NOL11: variants seen among roughly 807,000 people sequenced by gnomAD.
NOL11 encodes the protein nucleolar protein 11.
In NOL11, 42 loss-of-function variants were observed where a neutral mutation model predicts 93.0. That is an observed-to-expected ratio of 0.45 (90% CI 0.35 to 0.58). The LOEUF is 0.58. Ranked by LOEUF, NOL11 falls within the 20% of genes least tolerant of loss-of-function variation. The pLI, the probability that NOL11 is intolerant of heterozygous loss-of-function variation, is 0.00. For synonymous variants in NOL11, 296 were observed against 293.7 expected (o/e 1.01, Z -0.08); for missense variants, 775 against 841.8 (o/e 0.92, Z 0.98).
intron 7 of NOL11, among the ~76,000 whole-genome samples, chr17:67,730,552 G>T (rs186932601): frequency 6.6e-6 from 1 of 152,200 alleles, no homozygotes; most frequent in African/African-American, 2.4e-5. Context: ...GAGCCACTGC[G>T]CCCAGCTGTG....
rs559957739 is a variant in NOL11, at chr17:67,735,079, TA to T, written c.930+643del. The stretch of plus-strand genomic sequence containing the variant: ...GTCTTTTAGATTATGTGTTAAATGT[TA>T]AATGTTACCATGAAATTACATAAAA... On this transcript the variant is annotated intron_variant, in intron 8 of 17. Coordinates refer to ENST00000253247, the MANE Select transcript of NOL11 (RefSeq NM_015462.5). Among the ~76,000 whole-genome samples the T allele has an allele frequency of 6.1e-4, 93 of 152,326 alleles. 1 individual carries two copies. The South Asian group carries it at 0.013, about 22-fold the overall frequency.
intron 5 of NOL11, among the ~76,000 whole-genome samples, chr17:67,723,608 C>T (rs188155733): frequency 1.7e-3 from 258 of 151,596 alleles, no homozygotes; most frequent in Middle Eastern, 6.8e-3. Flanking sequence ...AGGCTGGTCT[C>T]GAACTCCTGA....
rs2055273048 is a variant in NOL11 at position 67,743,459 on chromosome 17, C to G, written c.1936-20C>G. The G allele has an allele frequency of 5.4e-6, 6 of 1,114,450 alleles. No individual in the cohort carries two copies. Among genetic ancestry groups the G allele is most frequent in the Non-Finnish European group, 6.7e-6 (5 of 749,188 alleles). 69.0% of individuals were successfully genotyped at this position (1,114,450 alleles called of 1,614,324 possible). A position where few individuals can be genotyped will look rare whatever the true frequency, so the allele number is the denominator to read the frequency against. On this transcript the variant is annotated intron_variant, in intron 16 of 17. Transcript: ENST00000253247. ...AAGTTAAATTTAAAATCTTAACTTC[C>G]TTTTCCTATTCATCTTCAGATTATG...
At chr17:67,739,045 T>G (rs773123489) in intron 15 of NOL11, 35 bp downstream of exon 15, 1 of 1,439,792 alleles carries the variant, frequency 6.9e-7, no homozygotes, top group Non-Finnish European at 9.7e-7. Context: ...GAATTTTACT[T>G]CTGGTTTAAA....
intron 4 of NOL11, among the ~76,000 whole-genome samples, chr17:67,722,072 A>G (rs1248103968): frequency 6.6e-6 from 1 of 152,220 alleles, no homozygotes; most frequent in Non-Finnish European, 1.5e-5. Context: ...TGGTACTTAC[A>G]ACGTGGCCAA....
chr17:67,737,739 C>A, intron 12 of NOL11, 47 bp downstream of exon 12: 1 of 1,584,692 alleles, frequency 6.3e-7, no homozygotes, highest in Non-Finnish European at 8.6e-7. Context: ...TTCTTCTGAC[C>A]TTGTTTTTTA....
rs375085496 is a variant in NOL11 at position 67,737,467 on chromosome 17, G to A, written c.1219-41G>A. The A allele has an allele frequency of 2.0e-5, 30 of 1,500,982 alleles. No homozygotes were observed. The Admixed American group carries it at 2.0e-4, about 10-fold the overall frequency. The allele number at this position is 1,500,982 out of a possible 1,614,324, so 93.0% of individuals were successfully genotyped here. ...AAACGTTAAGTTCAGAGTGACATTC[G>A]TTAATGTGCCAAACTGAATTCTTTA... On this transcript the variant is annotated intron_variant, in intron 11 of 17. Coordinates refer to ENST00000253247, the MANE Select transcript of NOL11 (RefSeq NM_015462.5).
intron 7 of NOL11, among the ~76,000 whole-genome samples, 158 bp from the exon 8 acceptor site, chr17:67,734,205 A>G (rs1052042752): frequency 3.3e-5 from 5 of 152,012 alleles, no homozygotes; most frequent in African/African-American, 1.2e-4. Flanking sequence ...TCTTACCATG[A>G]GCTCTCATTT....
At position 67,722,595 on chromosome 17, in the gene NOL11, C is replaced by T. The variant is rs759303161; in HGVS notation, c.477C>T (p.Phe159=). The change falls in exon 5 of 18, where the codon TTC becomes TTT. Residue 159 remains phenylalanine, a synonymous_variant. Coordinates refer to ENST00000253247, the MANE Select transcript of NOL11 (RefSeq NM_015462.5). ...TTTTTTGTAGATGGACAAAGTTTTT[C>T]GTAGTATTCAGACATCCTGTTTTAA... ...DEEVIKWTKF[F]VVFRHPVLIF... 7.0e-6 allele frequency: 11 copies of T among 1,571,132 alleles called. No homozygotes were observed. In the Admixed American group the frequency reaches 8.0e-5, roughly 11 times the overall value.
rs1219005881 is a variant in NOL11 at position 67,731,425 on chromosome 17, G to A, written c.854-2938G>A. On this transcript the variant is annotated intron_variant, in intron 7 of 17. Transcript: ENST00000253247. ...ACTACAGGCGCCCGCCGCTGCGCCC[G>A]GCTAATTTTTTGTATTTTTAGTAGA... is the stretch of plus-strand genomic sequence containing the variant. Among the ~76,000 whole-genome samples the A allele has an allele frequency of 6.3e-3, 42 of 6,638 alleles. 18 individuals carry two copies. The highest frequency in any genetic ancestry group is 0.02 in the Admixed American group (10 of 508). 4.4% of individuals were successfully genotyped at this position (6,638 alleles called of 152,430 possible).
At chr17:67,731,891 C>G (rs1237491558) in intron 7 of NOL11, among the ~76,000 whole-genome samples, 1 of 152,184 alleles carries the variant, frequency 6.6e-6, no homozygotes, top group Non-Finnish European at 1.5e-5. Context: ...GTTTGGAAAT[C>G]AGGAAGTATG....
chr17:67,728,224 C>T (rs1451837739), intron 7 of NOL11, among the ~76,000 whole-genome samples: 1 of 152,192 alleles, frequency 6.6e-6, no homozygotes, highest in Non-Finnish European at 1.5e-5. Context: ...CACACCACTG[C>T]ACTCCAGCCT....
intron 7 of NOL11, among the ~76,000 whole-genome samples, chr17:67,728,003 G>A (rs557474407): frequency 6.6e-6 from 1 of 150,732 alleles, no homozygotes; most frequent in Non-Finnish European, 1.5e-5. Context: ...GCTCATGCCT[G>A]TAATCCCAGC....
chr17:67,744,079 A>G lies in NOL11; in HGVS notation c.*220A>G, dbSNP rs1599052294. The stretch of plus-strand genomic sequence containing the variant: ...GACATTGGTGTGGAGAGGTTCTGCA[A>G]TTTTTTAAAAATATGTAACTGGGTT... On this transcript the variant is annotated 3_prime_UTR_variant, in exon 18 of 18. Transcript: ENST00000253247. The G allele has an allele frequency of 3.7e-6, 1 of 270,324 alleles. No homozygotes were observed. Among genetic ancestry groups the G allele is most frequent in the East Asian group, 6.3e-5 (1 of 15,890 alleles). The allele number at this position is 270,324 out of a possible 1,614,324, so 16.7% of individuals were successfully genotyped here.
intron 15 of NOL11, 101 bp from the exon 16 acceptor site, chr17:67,739,415 G>C: frequency 1.5e-6 from 1 of 658,272 alleles, no homozygotes; most frequent in Non-Finnish European, 2.6e-6. Context: ...GTATTTGTTT[G>C]ATGTATAAAT....
intron 1 of NOL11, among the ~76,000 whole-genome samples, chr17:67,718,614 A>G (rs2043193920): frequency 6.6e-6 from 1 of 152,170 alleles, no homozygotes; most frequent in African/African-American, 2.4e-5. Flanking sequence ...TCTCTGATTC[A>G]CGCTGGGAAT....
chr17:67,740,252 G>A (rs1381459220), intron 16 of NOL11, among the ~76,000 whole-genome samples: 1 of 151,496 alleles, frequency 6.6e-6, no homozygotes, highest in Non-Finnish European at 1.5e-5. Context: ...AAAGCGGGGG[G>A]AATAAGAGAA....
chr17:67,718,087 A>AG lies in NOL11; in HGVS notation c.141+1dup. The AG allele has an allele frequency of 2.5e-6, 4 of 1,613,854 alleles. No individual in the cohort carries two copies. The highest frequency in any genetic ancestry group is 2.5e-6 in the Non-Finnish European group (3 of 1,179,836). On this transcript the variant is annotated frameshift_variant and splice_region_variant, in exon 1 of 18. Transcript: ENST00000253247. LOFTEE classifies it high-confidence loss of function. ...AGCGGCAGGACAGTCATCCTCTATA[A>AG]GGTGAAGGCAATAGGTTTGGGAGCG... is the stretch of plus-strand genomic sequence containing the variant.
intron 9 of NOL11, 98 bp from the exon 10 acceptor site, chr17:67,736,568 T>A: frequency 1.4e-6 from 1 of 718,488 alleles, no homozygotes; most frequent in Non-Finnish European, 2.4e-6. Context: ...CTCTCTTAAA[T>A]TGTATGAGTG....
Sources: gnomAD v4.1 joint callset for allele counts (sites outside exome capture counted in the v4.1 genomes callset) on GRCh38, gnomAD v4.1.1 for gene constraint, MANE v1.5 for transcripts, NCBI Gene and HGNC (gene_info 2026-07-23, HGNC 2026-07-21) for gene names.